Variants in FASTKD1 observed in about 807,000 individuals in gnomAD.
FASTKD1 encodes FAST kinase domains 1, also known as FAST kinase domain-containing protein 1, mitochondrial.
In FASTKD1, 94 loss-of-function variants were observed where a neutral mutation model predicts 90.9. The ratio of observed to expected loss-of-function variants is 1.03; its 90% CI spans 0.88 to 1.23. The LOEUF is 1.23. Among genes scored for constraint, FASTKD1 ranks in the 50% most tolerant of loss-of-function variants. The pLI, the probability that FASTKD1 is intolerant of heterozygous loss-of-function variation, is 0.00. For synonymous variants in FASTKD1, 319 were observed against 345.8 expected, an observed-to-expected ratio of 0.92 and a Z score of 0.86; for missense variants, 945 against 993.5, an observed-to-expected ratio of 0.95 and a Z score of 0.66.
intron 12 of FASTKD1, among the ~76,000 whole-genome samples, chr2:169,534,183 CAAAAAAAAAAAAAA>C (rs71003097): frequency 5.4e-4 from 25 of 46,322 alleles, no homozygotes; most frequent in African/African-American, 1.5e-3. Flanking sequence ...GACCCTTTCT[CAAAAAAAAAAAAAA>C]AAAAAAAAAA....
Position 169,546,388 on chromosome 2 carries a change from T to C in FASTKD1, c.1531A>G (p.Thr511Ala). The C allele has an allele frequency of 6.2e-7, 1 of 1,613,742 alleles. No homozygotes were observed. Among genetic ancestry groups the C allele is most frequent in the Non-Finnish European group, 8.5e-7 (1 of 1,179,632 alleles). The change falls in exon 8 of 15, where the codon ACG (threonine) becomes GCG (alanine). Residue 511 changes from threonine (T) to alanine (A), a missense_variant. By Grantham distance (58) the Thr-to-Ala change is moderately conservative (BLOSUM62 0). Transcript: ENST00000453153. ...TCTTCAAGAAGTGACTCAGGAAACG[T>C]GTTTCCTTTGAGAGATTTAAGTTCC... ...RKELKSLKGN[T>A]FPESLLEEMI...
rs556907015 is a variant in FASTKD1, at chr2:169,544,657, A to G, written c.1816+64T>C. The G allele has an allele frequency of 5.7e-6, 5 of 881,266 alleles. No homozygotes were observed. In the East Asian group the frequency reaches 1.3e-4, roughly 23 times the overall value. 54.6% of individuals were successfully genotyped at this position (881,266 alleles called of 1,614,324 possible). ...ACCCTTTAAATGAGGGACATCTCCT[A>G]GCTCAGCAGCAACAAGTATCCTCTG... On this transcript the variant is annotated intron_variant, in intron 9 of 14. Coordinates refer to ENST00000453153, the MANE Select transcript of FASTKD1 (RefSeq NM_024622.6).
intron 3 of FASTKD1, among the ~76,000 whole-genome samples, chr2:169,563,768 A>G (rs890195446): frequency 2.6e-5 from 4 of 152,214 alleles, no homozygotes; most frequent in African/African-American, 9.7e-5. Context: ...CTAAAAAACA[A>G]GCATAAGAAA....
chr2:169,536,960 G>T, intron 12 of FASTKD1: 1 of 274,506 alleles, frequency 3.6e-6, no homozygotes, highest in Non-Finnish European at 6.7e-6. Context: ...ATCTGAATCT[G>T]GGTTTTACTT....
At chr2:169,554,911 C>G (rs977198231) in intron 7 of FASTKD1, among the ~76,000 whole-genome samples, 9 of 152,276 alleles carry the variant, frequency 5.9e-5, no homozygotes, top group Admixed American at 5.2e-4. Flanking sequence ...CCCTAGGGAA[C>G]TCATCACCCT....
In FASTKD1 at chr2:169,563,223, A is replaced by G. The variant is rs181887972; in HGVS notation, c.572+2T>C. On this transcript the variant is annotated splice_donor_variant, in intron 4 of 14. Transcript: ENST00000453153. LOFTEE classifies it high-confidence loss of function. ...AACACAAGATTCCCTAAATAAATTT[A>G]CCTTAAGTCCTGTGTGGTTTCCAAG... is the stretch of plus-strand genomic sequence containing the variant. The G allele has an allele frequency of 6.2e-7, 1 of 1,609,124 alleles. No individual in the cohort carries two copies. Among genetic ancestry groups the G allele is most frequent in the East Asian group, 2.2e-5 (1 of 44,716 alleles).
At chr2:169,537,920 T>G in intron 11 of FASTKD1, 93 bp downstream of exon 11, 2 of 1,073,626 alleles carry the variant, frequency 1.9e-6, no homozygotes, top group Non-Finnish European at 2.7e-6. Flanking sequence ...GGAAGGCTCG[T>G]GTCATGTTTA....
chr2:169,557,095 G>A (rs1683354058), intron 6 of FASTKD1, 92 bp downstream of exon 6: 1 of 784,382 alleles, frequency 1.3e-6, no homozygotes, highest in South Asian at 1.4e-5. Context: ...AAAACAACTG[G>A]TAGATTAAAG....
intron 5 of FASTKD1, among the ~76,000 whole-genome samples, chr2:169,558,901 T>C (rs1683454173): frequency 6.6e-6 from 1 of 152,046 alleles, no homozygotes; most frequent in South Asian, 2.1e-4. Context: ...AATAGTTTTT[T>C]TTAATAATCA....
At chr2:169,544,902 T>C (rs765567122) in intron 8 of FASTKD1, 67 bp from the exon 9 acceptor site, 3 of 842,054 alleles carry the variant, frequency 3.6e-6, no homozygotes, top group Non-Finnish European at 5.6e-6. Flanking sequence ...TTTAACCTAA[T>C]TATTTTTTAG....
At chr2:169,556,365 G>A (rs1200004250) in intron 6 of FASTKD1, among the ~76,000 whole-genome samples, 1 of 151,444 alleles carries the variant, frequency 6.6e-6, no homozygotes, top group Non-Finnish European at 1.5e-5. Flanking sequence ...GAGCCTGGGA[G>A]GTGGAGGGTG....
At chr2:169,540,552 G>A (rs1452253914) in intron 9 of FASTKD1, among the ~76,000 whole-genome samples, 1 of 152,184 alleles carries the variant, frequency 6.6e-6, no homozygotes, top group Non-Finnish European at 1.5e-5. Context: ...GGACAGTGGT[G>A]CATGTAAAAA....
At chr2:169,546,113 T>G in intron 8 of FASTKD1, 105 bp downstream of exon 8, 1 of 1,252,116 alleles carries the variant, frequency 8.0e-7, no homozygotes, top group Non-Finnish European at 1.1e-6. Flanking sequence ...TATTTAATTT[T>G]TAAACCTCAA....
chr2:169,560,440 A>C lies in FASTKD1; in HGVS notation c.918T>G (p.Phe306Leu), dbSNP rs1683534371. 3 of 1,574,978 alleles carry C rather than the reference A, an allele frequency of 1.9e-6. No individual in the cohort carries two copies. The highest frequency in any genetic ancestry group is 2.6e-6 in the Non-Finnish European group (3 of 1,168,230). Residue 306 changes from phenylalanine (F) to leucine (L), a missense_variant, in exon 5 of 15, where the codon TTT becomes TTG. Coordinates refer to ENST00000453153, the MANE Select transcript of FASTKD1 (RefSeq NM_024622.6). Reference sequence around the variant, plus strand: ...GTCCCAATGCTACAAACAATTTTACAAAGCTAGCAGGATGATTACACAGAG... The same window carrying C: ...GTCCCAATGCTACAAACAATTTTACCAAGCTAGCAGGATGATTACACAGAG... ...MIPLCNHPAS[F>L]VKLFVALGPI... is the part of the protein sequence containing the mutation.
chr2:169,534,856 C>CTTT (rs879485102), intron 12 of FASTKD1, among the ~76,000 whole-genome samples: 2 of 144,712 alleles, frequency 1.4e-5, no homozygotes, highest in African/African-American at 5.0e-5. Flanking sequence ...ACCTTTTTGT[C>CTTT]TTTTTTTTTT....
chr2:169,549,682 G>A (rs1268174989), intron 7 of FASTKD1, among the ~76,000 whole-genome samples: 1 of 152,036 alleles, frequency 6.6e-6, no homozygotes, highest in East Asian at 1.9e-4. Context: ...GCCCAGGCTG[G>A]TCTTGAACTC....
Position 169,546,629 on chromosome 2 carries a change from G to A in FASTKD1, c.1290C>T (p.His430=). 6.2e-7 allele frequency: 1 copy of A among 1,614,142 alleles called. No individual in the cohort carries two copies. ...VRAISLLPSP[H]LDEVGISRIE... ...TTCGGGATATCCCCACTTCGTCCAA[G>A]TGAGGAGAAGGGAGCAGGGAAATAG... The change falls in exon 8 of 15, where the codon CAC becomes CAT. Residue 430 remains histidine, a synonymous_variant. Transcript: ENST00000453153.
chr2:169,568,774 G>C (rs1318063292), intron 3 of FASTKD1, among the ~76,000 whole-genome samples: 1 of 151,904 alleles, frequency 6.6e-6, no homozygotes, highest in Non-Finnish European at 1.5e-5. Flanking sequence ...GCTGAGGCAG[G>C]TGGATCACGA....
At chr2:169,536,111 T>TA (rs908886577) in intron 12 of FASTKD1, among the ~76,000 whole-genome samples, 3 of 152,094 alleles carry the variant, frequency 2.0e-5, no homozygotes, top group Admixed American at 1.3e-4. Context: ...CCTGTCTCTA[T>TA]AAAAAAATTA....
Sources: allele counts gnomAD v4.1 joint callset (sites outside exome capture counted in the v4.1 genomes callset), GRCh38; gene constraint gnomAD v4.1.1; transcripts MANE v1.5; gene names NCBI Gene and HGNC (gene_info 2026-07-23, HGNC 2026-07-21).